The following UBE2F variants were observed in gnomAD, a reference collection of about 807,000 sequenced individuals.
UBE2F encodes NEDD8-conjugating enzyme UBE2F.
UBE2F carries 5 observed loss-of-function variants against 29.6 expected under a neutral mutation model. That is an observed-to-expected ratio of 0.17 (90% CI 0.09 to 0.36). UBE2F has a LOEUF of 0.36. Ranked by LOEUF, UBE2F falls within the 10% of genes least tolerant of loss-of-function variation. The pLI is 1.00. For synonymous variants in UBE2F, 66 were observed against 81.8 expected (o/e 0.81, Z 1.04); for missense variants, 141 against 228.5 (o/e 0.62, Z 2.47).
intron 8 of UBE2F, among the ~76,000 whole-genome samples, chr2:238,033,988 C>T (rs1160937539): frequency 6.6e-6 from 1 of 152,142 alleles, no homozygotes; most frequent in Non-Finnish European, 1.5e-5. Flanking sequence ...GCCCATATGC[C>T]GTCATTGTCA....
chr2:238,028,571 T>C (rs2064489801), intron 6 of UBE2F, among the ~76,000 whole-genome samples: 1 of 152,242 alleles, frequency 6.6e-6, no homozygotes, highest in South Asian at 2.1e-4. Context: ...AATACCTCTG[T>C]AGGGTAGAAA....
intron 2 of UBE2F, among the ~76,000 whole-genome samples, chr2:237,981,096 G>C (rs1297997333): frequency 2.6e-5 from 4 of 152,134 alleles, no homozygotes; most frequent in Non-Finnish European, 5.9e-5. Flanking sequence ...AGAAATGCCG[G>C]GTCACATCTT....
At chr2:237,975,313 T>C (rs747493452) in intron 2 of UBE2F, among the ~76,000 whole-genome samples, 46 of 151,978 alleles carry the variant, frequency 3.0e-4, no homozygotes, top group Non-Finnish European at 1.0e-4. Context: ...TTTCATTATG[T>C]TGCCCAGGCT....
intron 1 of UBE2F, among the ~76,000 whole-genome samples, chr2:237,971,244 G>A (rs562532699): frequency 2.4e-4 from 37 of 152,318 alleles, no homozygotes; most frequent in Non-Finnish European, 4.6e-4. Flanking sequence ...CTGTTGAAAC[G>A]ATCAGAGTGG....
chr2:238,017,654 C>T (rs1014562208), intron 5 of UBE2F, among the ~76,000 whole-genome samples: 4 of 152,134 alleles, frequency 2.6e-5, no homozygotes, highest in Non-Finnish European at 5.9e-5. Flanking sequence ...CAGGGGTTGA[C>T]GTACAGGCAG....
chr2:238,034,280 T>G (rs1417773586), intron 8 of UBE2F, among the ~76,000 whole-genome samples: 1 of 150,868 alleles, frequency 6.6e-6, no homozygotes, highest in Non-Finnish European at 1.5e-5. Flanking sequence ...AAAAAAAAAT[T>G]AGCCAGGCGT....
intron 5 of UBE2F, among the ~76,000 whole-genome samples, chr2:238,018,871 G>A (rs1215061415): frequency 2.0e-4 from 30 of 152,208 alleles, no homozygotes; most frequent in Non-Finnish European, 8.8e-5. Flanking sequence ...GTGAGAAAAT[G>A]TTTGTCATAC....
At chr2:237,989,951 T>G (rs2063549263) in intron 3 of UBE2F, among the ~76,000 whole-genome samples, 1 of 151,790 alleles carries the variant, frequency 6.6e-6, no homozygotes, top group Non-Finnish European at 1.5e-5. Context: ...AAACCCTGTC[T>G]CTACTAAAAG....
chr2:237,973,289 CTT>C, intron 2 of UBE2F, 64 bp downstream of exon 2: 1 of 1,566,872 alleles, frequency 6.4e-7, no homozygotes, highest in Non-Finnish European at 8.7e-7. Context: ...ACTGGAGAGT[CTT>C]TGGGGATATA....
At chr2:238,034,840 C>A (rs187735405) in intron 8 of UBE2F, among the ~76,000 whole-genome samples, 2 of 152,024 alleles carry the variant, frequency 1.3e-5, no homozygotes, top group Non-Finnish European at 2.9e-5. Flanking sequence ...CTACAGCCTG[C>A]GTTGGAAAGC....
intron 5 of UBE2F, among the ~76,000 whole-genome samples, chr2:238,022,175 CT>C (rs1162304454): frequency 4.6e-4 from 29 of 63,360 alleles, no homozygotes; most frequent in African/African-American, 1.1e-3. Context: ...CTTTTCTTTT[CT>C]TTTTTTTTTT....
chr2:238,009,871 A>G (rs1407896149), intron 4 of UBE2F, among the ~76,000 whole-genome samples: 2 of 152,126 alleles, frequency 1.3e-5, no homozygotes, highest in African/African-American at 4.8e-5. Flanking sequence ...GTCTTATATT[A>G]CTCTTTGAAA....
chr2:237,978,881 G>T (rs541321741), intron 2 of UBE2F, among the ~76,000 whole-genome samples: 2 of 152,262 alleles, frequency 1.3e-5, no homozygotes, highest in East Asian at 3.9e-4. Flanking sequence ...CTGAGTCCAT[G>T]GTGCTCCCTA....
chr2:237,999,305 A>G (rs2063747447), intron 4 of UBE2F, among the ~76,000 whole-genome samples: 1 of 152,090 alleles, frequency 6.6e-6, no homozygotes, highest in Non-Finnish European at 1.5e-5. Flanking sequence ...CTTGACCTCA[A>G]GTGATCCGCC....
intron 3 of UBE2F, among the ~76,000 whole-genome samples, chr2:237,991,025 G>C (rs369253671): frequency 2.0e-5 from 3 of 152,114 alleles, no homozygotes; most frequent in African/African-American, 4.8e-5. Flanking sequence ...CCCATAGAGT[G>C]TACTTTAAAA....
chr2:237,996,832 T>C (rs2063701943), intron 4 of UBE2F, among the ~76,000 whole-genome samples: 1 of 152,224 alleles, frequency 6.6e-6, no homozygotes. Context: ...GTGATTATTG[T>C]ATATATGACA....
chr2:237,972,362 A>G (rs2063192253), intron 1 of UBE2F, among the ~76,000 whole-genome samples: 1 of 151,974 alleles, frequency 6.6e-6, no homozygotes, highest in South Asian at 2.1e-4. Flanking sequence ...TGCAGCAGGG[A>G]AGGGCCAACT....
intron 1 of UBE2F, among the ~76,000 whole-genome samples, chr2:237,970,875 A>AT (rs561756913): frequency 2.3e-4 from 35 of 151,882 alleles, no homozygotes; most frequent in Non-Finnish European, 2.8e-4. Context: ...TGCCGAGCTA[A>AT]TTTTTTTTGG....
intron 2 of UBE2F, among the ~76,000 whole-genome samples, chr2:237,979,491 C>G (rs1299210487): frequency 6.6e-6 from 1 of 152,256 alleles, no homozygotes; most frequent in Non-Finnish European, 1.5e-5. Flanking sequence ...GCGCGGAAGT[C>G]TAGCAGGGCG....
Sources: gnomAD v4.1 joint callset for allele counts (sites outside exome capture counted in the v4.1 genomes callset) on GRCh38, gnomAD v4.1.1 for gene constraint, MANE v1.5 for transcripts, NCBI Gene and HGNC (gene_info 2026-07-23, HGNC 2026-07-21) for gene names.